The following PEX5L variants were observed in gnomAD, a reference collection of about 807,000 sequenced individuals.
PEX5L encodes PEX5-related protein.
PEX5L carries 30 observed loss-of-function variants against 84.0 expected under a neutral mutation model. The ratio of observed to expected loss-of-function variants is 0.36; its 90% confidence interval spans 0.27 to 0.48. The LOEUF is 0.48. PEX5L is among the 20% of genes least tolerant of loss of function. PEX5L has a pLI of 0.99. For missense variants in PEX5L, 533 were observed against 754.6 expected (o/e 0.71, Z 3.44); for synonymous variants, 270 against 283.1 (o/e 0.95, Z 0.46).
At chr3:180,024,234 G>A (rs1362848186) in intron 1 of PEX5L, among the ~76,000 whole-genome samples, 1 of 151,124 alleles carries the variant, frequency 6.6e-6, no homozygotes, top group African/African-American at 2.4e-5. Flanking sequence ...CGTATTTCGG[G>A]CTCACATATA....
intron 2 of PEX5L, among the ~76,000 whole-genome samples, chr3:179,937,965 T>G (rs1228696390): frequency 6.6e-6 from 1 of 152,036 alleles, no homozygotes; most frequent in African/African-American, 2.4e-5. Flanking sequence ...CCACCTCTAC[T>G]TCCAGCGCTT....
chr3:180,018,779 G>T (rs947944874), intron 1 of PEX5L, among the ~76,000 whole-genome samples: 4 of 152,090 alleles, frequency 2.6e-5, no homozygotes, highest in Non-Finnish European at 5.9e-5. Context: ...TGTCTTACTG[G>T]GTGACATCCA....
chr3:179,984,220 A>G (rs1786592146), intron 1 of PEX5L, among the ~76,000 whole-genome samples: 1 of 152,110 alleles, frequency 6.6e-6, no homozygotes, highest in Non-Finnish European at 1.5e-5. Context: ...TTTTATTCCT[A>G]TATTTCAATG....
intron 2 of PEX5L, among the ~76,000 whole-genome samples, chr3:179,929,929 T>G (rs899830510): frequency 5.3e-5 from 8 of 152,216 alleles, no homozygotes; most frequent in African/African-American, 1.9e-4. Flanking sequence ...CTTCCACATA[T>G]TCCCCTTCCT....
chr3:179,982,286 C>T (rs1044748106), intron 1 of PEX5L, among the ~76,000 whole-genome samples: 2 of 152,118 alleles, frequency 1.3e-5, no homozygotes, highest in African/African-American at 4.8e-5. Flanking sequence ...AAAATAATAA[C>T]GTGTTACATG....
rs545990032 is a variant in PEX5L at position 179,947,707 on chromosome 3, T to A, written c.93+23887A>T. The stretch of plus-strand genomic sequence containing the variant: ...ATTTTAAATGTAATAATCAAAAAAG[T>A]TACTTTTTTTTTTTTTTGAGACGGA... On this transcript the variant is annotated intron_variant, in intron 2 of 14. Transcript: ENST00000467460. Among the ~76,000 whole-genome samples, 501 of 85,302 alleles carry A rather than the reference T, an allele frequency of 5.9e-3. 4 individuals are homozygous for A. Among genetic ancestry groups the A allele is most frequent in the African/African-American group, 0.025 (479 of 18,864 alleles). 56.0% of individuals were successfully genotyped at this position (85,302 alleles called of 152,430 possible). A position where few individuals can be genotyped will look rare whatever the true frequency, so the allele number is the denominator to read the frequency against.
chr3:179,858,010 C>T (rs3774239), intron 8 of PEX5L, among the ~76,000 whole-genome samples: 75,786 of 151,880 alleles, frequency 0.5, 19,323 homozygotes, highest in East Asian at 0.74. Context: ...TGAATAATAA[C>T]CTGAAATTAT....
Position 179,937,483 on chromosome 3 carries a change from C to A in PEX5L, c.93+34111G>T, listed in dbSNP as rs143771404. Among the ~76,000 whole-genome samples the A allele has an allele frequency of 2.9e-3, 449 of 152,232 alleles. 3 individuals are homozygous for A. The highest frequency in any genetic ancestry group is 1.0e-2 in the African/African-American group (415 of 41,534). On this transcript the variant is annotated intron_variant, in intron 2 of 14. Transcript: ENST00000467460. ...CTGGACATTTTTGCCTGCAAGCACA[C>A]TTATCATCTTTCAACTCTGGCCTCC... is the stretch of plus-strand genomic sequence containing the variant.
chr3:179,959,955 T>C lies in PEX5L; in HGVS notation c.93+11639A>G, dbSNP rs79447997. On this transcript the variant is annotated intron_variant, in intron 2 of 14. Coordinates refer to ENST00000467460, the MANE Select transcript of PEX5L (RefSeq NM_016559.3). Reference sequence around the variant, plus strand: ...AATATATATAGCAAAATTGTTTACATAATAAATTTCTCCAAGTAATAGAGT... The same window carrying C: ...AATATATATAGCAAAATTGTTTACACAATAAATTTCTCCAAGTAATAGAGT... 1.2e-3 allele frequency among the ~76,000 whole-genome samples: 181 copies of C among 152,362 alleles called. 1 individual carries two copies. Among genetic ancestry groups the C allele is most frequent in the African/African-American group, 4.1e-3 (171 of 41,582 alleles).
At chr3:179,992,220 T>G (rs769336427) in intron 1 of PEX5L, among the ~76,000 whole-genome samples, 1 of 152,228 alleles carries the variant, frequency 6.6e-6, no homozygotes, top group Non-Finnish European at 1.5e-5. Flanking sequence ...ATTGTTAGAT[T>G]GCTTAAGATT....
At chr3:179,967,248 C>G (rs1783572996) in intron 2 of PEX5L, among the ~76,000 whole-genome samples, 1 of 152,126 alleles carries the variant, frequency 6.6e-6, no homozygotes, top group Non-Finnish European at 1.5e-5. Flanking sequence ...GACTGGATGG[C>G]AGGAGGGAGA....
intron 1 of PEX5L, among the ~76,000 whole-genome samples, chr3:180,012,353 G>GATTTAAGCAGAGT (rs973097990): frequency 6.6e-6 from 1 of 152,028 alleles, no homozygotes; most frequent in Non-Finnish European, 1.5e-5. Flanking sequence ...AAACAATATT[G>GATTTAAGCAGAGT]ATTTAAGCAG....
chr3:179,815,098 A>G (rs571517774), intron 10 of PEX5L, among the ~76,000 whole-genome samples: 83 of 152,182 alleles, frequency 5.5e-4, no homozygotes, highest in Non-Finnish European at 1.1e-3. Context: ...TCCCAGATAG[A>G]CCATAAAGAT....
intron 11 of PEX5L, among the ~76,000 whole-genome samples, chr3:179,811,467 T>A (rs556406217): frequency 2.0e-5 from 3 of 152,282 alleles, no homozygotes; most frequent in African/African-American, 7.2e-5. Flanking sequence ...TCCACTTATT[T>A]TTTTTGAAGA....
At chr3:179,922,447 TTTTC>T (rs1217243399) in intron 2 of PEX5L, among the ~76,000 whole-genome samples, 6 of 72,518 alleles carry the variant, frequency 8.3e-5, no homozygotes, top group Admixed American at 2.8e-4. Flanking sequence ...CTTCCTTTTC[TTTTC>T]TTTTTTTTTT....
intron 1 of PEX5L, among the ~76,000 whole-genome samples, chr3:179,999,208 A>G (rs1788165831): frequency 6.6e-6 from 1 of 152,208 alleles, no homozygotes; most frequent in Admixed American, 6.5e-5. Flanking sequence ...AGGTATGTGG[A>G]TGGACCTCTC....
rs149045438 is a variant in PEX5L, at chr3:179,855,364, G to T, written c.822+3698C>A. Among the ~76,000 whole-genome samples the T allele has an allele frequency of 2.0e-4, 31 of 152,268 alleles. No homozygotes were observed. The South Asian group carries it at 4.4e-3, about 21-fold the overall frequency. ...AAATTGCCTCTGATGAAAGCAATCT[G>T]CATCACCATTCTTTGTCTTGAAATA... On this transcript the variant is annotated intron_variant, in intron 8 of 14. Transcript: ENST00000467460.
chr3:179,968,587 C>T (rs1040159001), intron 2 of PEX5L, among the ~76,000 whole-genome samples: 8 of 151,890 alleles, frequency 5.3e-5, no homozygotes, highest in Non-Finnish European at 1.2e-4. Context: ...AGATTTTAAT[C>T]CAATACATTC....
At chr3:179,834,097 C>T (rs1338294219) in intron 8 of PEX5L, among the ~76,000 whole-genome samples, 1 of 152,178 alleles carries the variant, frequency 6.6e-6, no homozygotes, top group Non-Finnish European at 1.5e-5. Context: ...TCCTTGGCTT[C>T]CCAAAGTGTT....
Sources: gnomAD v4.1 joint callset for allele counts (sites outside exome capture counted in the v4.1 genomes callset) on GRCh38, gnomAD v4.1.1 for gene constraint, MANE v1.5 for transcripts, NCBI Gene and HGNC (gene_info 2026-07-23, HGNC 2026-07-21) for gene names.